CYP2C8: variants seen among roughly 807,000 people sequenced by gnomAD.
CYP2C8 encodes the protein cytochrome P450 family 2 subfamily C member 8.
CYP2C8 carries 51 observed loss-of-function variants against 41.3 expected under a neutral mutation model. That is an observed-to-expected ratio of 1.24 (90% CI 0.99 to 1.56). The LOEUF is 1.56. Ranked by LOEUF, CYP2C8 falls within the 40% of genes most tolerant of loss-of-function variation. The probability of loss-of-function intolerance (pLI) is 0.00; values close to 1 mark genes in which losing one functional copy is unlikely to be tolerated. For missense variants in CYP2C8, 651 were observed against 579.9 expected, an observed-to-expected ratio of 1.12 and a Z score of -1.26; for synonymous variants, 218 against 205.8, an observed-to-expected ratio of 1.06 and a Z score of -0.51.
rs1219680890 is a variant in CYP2C8, at chr10:95,042,825, G to T, written c.1149+65C>A. ...CTCATCTTGTGTTGTTAGAGGGTTG[G>T]AACCAAACCAGCACTATGGAAATTT... is the stretch of plus-strand genomic sequence containing the variant. On this transcript the variant is annotated intron_variant, in intron 7 of 8. Coordinates refer to ENST00000371270, the MANE Select transcript of CYP2C8 (RefSeq NM_000770.3). 4 of 1,400,510 alleles carry T rather than the reference G, an allele frequency of 2.9e-6. No homozygotes were observed. In the African/African-American group the frequency reaches 4.2e-5, roughly 15 times the overall value. 86.8% of individuals were successfully genotyped at this position (1,400,510 alleles called of 1,614,324 possible).
intron 5 of CYP2C8, among the ~76,000 whole-genome samples, chr10:95,053,855 C>T (rs1454914833): frequency 6.6e-6 from 1 of 152,050 alleles, no homozygotes; most frequent in Non-Finnish European, 1.5e-5. Context: ...ATGGGTGCAG[C>T]AAACCACCAT....
At chr10:95,041,554 G>C (rs2032995806) in intron 7 of CYP2C8, among the ~76,000 whole-genome samples, 1 of 151,896 alleles carries the variant, frequency 6.6e-6, no homozygotes, top group Admixed American at 6.6e-5. Context: ...GGCCGAGGCG[G>C]GTGGATCATG....
rs1342809282 is a variant in CYP2C8 at position 95,066,153 on chromosome 10, A to AGAGAGAGAGTGTGT, written c.481+1054_481+1055insACACACTCTCTCTC. Reference sequence around the variant, plus strand: ...GAGAGAGAGAGAGAGAGAGAGAGAGAGTGTGTGTGTGTGTGTGTGTGTGTG... The same window carrying AGAGAGAGAGTGTGT: ...GAGAGAGAGAGAGAGAGAGAGAGAGAGAGAGAGAGTGTGTGTGTGTGTGTGTGTGTGTGTGTGTG... On this transcript the variant is annotated intron_variant, in intron 3 of 8. Transcript: ENST00000371270. Among the ~76,000 whole-genome samples, 671 of 88,208 alleles carry AGAGAGAGAGTGTGT rather than the reference A, an allele frequency of 7.6e-3. 2 individuals carry two copies. Among genetic ancestry groups the AGAGAGAGAGTGTGT allele is most frequent in the Non-Finnish European group, 0.012 (530 of 43,618 alleles). The allele number at this position is 88,208 out of a possible 152,430, so 57.9% of individuals were successfully genotyped here. A position where few individuals can be genotyped will look rare whatever the true frequency, so the allele number is the denominator to read the frequency against.
intron 7 of CYP2C8, among the ~76,000 whole-genome samples, chr10:95,040,711 G>A (rs774685415): frequency 1.3e-5 from 2 of 152,166 alleles, no homozygotes; most frequent in Non-Finnish European, 2.9e-5. Flanking sequence ...GACAGGAGGT[G>A]TTGTCATTAT....
intron 3 of CYP2C8, among the ~76,000 whole-genome samples, 182 bp from the exon 4 acceptor site, chr10:95,065,142 C>A (rs1311382277): frequency 3.3e-5 from 5 of 152,136 alleles, no homozygotes; most frequent in Admixed American, 3.3e-4. Context: ...ATGAGTTGAG[C>A]ATTACAGGCT....
chr10:95,050,171 G>T (rs966498696), intron 5 of CYP2C8, among the ~76,000 whole-genome samples: 1 of 152,064 alleles, frequency 6.6e-6, no homozygotes, highest in African/African-American at 2.4e-5. Context: ...CTCAGGGGGT[G>T]AGATTCCACT....
rs139099902 is a variant in CYP2C8, at chr10:95,048,077, T to C, written c.820-2126A>G. 3.1e-3 allele frequency among the ~76,000 whole-genome samples: 468 copies of C among 152,216 alleles called. 4 individuals carry two copies. The highest frequency in any genetic ancestry group is 0.011 in the African/African-American group (452 of 41,554). On this transcript the variant is annotated intron_variant, in intron 5 of 8. Coordinates refer to ENST00000371270, the MANE Select transcript of CYP2C8 (RefSeq NM_000770.3). Reference sequence around the variant, plus strand: ...CCATGGATTACTAAGTCTCTCAGGGTTTCACCTCTGCCAGCTTCTTTTTAC... The same window carrying C: ...CCATGGATTACTAAGTCTCTCAGGGCTTCACCTCTGCCAGCTTCTTTTTAC...
intron 5 of CYP2C8, among the ~76,000 whole-genome samples, chr10:95,051,084 A>C (rs1439440608): frequency 6.6e-6 from 1 of 152,194 alleles, no homozygotes; most frequent in African/African-American, 2.4e-5. Flanking sequence ...GGAAACCTAA[A>C]GATATTCAAA....
Position 95,043,035 on chromosome 10 carries a change from C to CTGTGTCTGCCAA in CYP2C8, c.992_1003dup (p.Ile331_His334dup). 1 of 1,614,176 alleles carries CTGTGTCTGCCAA rather than the reference C, an allele frequency of 6.2e-7. No individual in the cohort carries two copies. Among genetic ancestry groups the CTGTGTCTGCCAA allele is most frequent in the Non-Finnish European group, 8.5e-7 (1 of 1,180,020 alleles). On this transcript the variant is annotated inframe_insertion, in exon 7 of 9. Coordinates refer to ENST00000371270, the MANE Select transcript of CYP2C8 (RefSeq NM_000770.3). The stretch of plus-strand genomic sequence containing the variant: ...GCTCCTATCCTGCATGCAGGGGCTC[C>CTGTGTCTGCCAA]TGTGTCTGCCAATTACATGATCAAT...
chr10:95,069,205 A>G (rs1247458616), intron 1 of CYP2C8, 30 bp downstream of exon 1: 1 of 1,613,392 alleles, frequency 6.2e-7, no homozygotes, highest in Non-Finnish European at 8.5e-7. Context: ...ACCCTTTGCA[A>G]TTGGCTGGAG....
At chr10:95,041,443 T>C (rs2032993612) in intron 7 of CYP2C8, among the ~76,000 whole-genome samples, 1 of 152,178 alleles carries the variant, frequency 6.6e-6, no homozygotes, top group Non-Finnish European at 1.5e-5. Flanking sequence ...TTCTCCAAAG[T>C]GTTTGTCTTT....
intron 4 of CYP2C8, among the ~76,000 whole-genome samples, chr10:95,059,653 T>C (rs183219149): frequency 1.3e-5 from 2 of 152,338 alleles, no homozygotes; most frequent in Admixed American, 6.5e-5. Context: ...TTTTATTAGG[T>C]CCCATTTGTC....
chr10:95,043,390 CAG>C (rs11572164), intron 6 of CYP2C8, among the ~76,000 whole-genome samples: 7,159 of 152,002 alleles, frequency 0.047, 247 homozygotes, highest in Middle Eastern at 0.16. Flanking sequence ...TGCTTGCAAA[CAG>C]AAAAACAATC....
intron 7 of CYP2C8, among the ~76,000 whole-genome samples, chr10:95,042,401 A>C (rs984128483): frequency 2.3e-5 from 2 of 86,608 alleles, no homozygotes; most frequent in Non-Finnish European, 4.8e-5. Flanking sequence ...ATTACAAAGA[A>C]ATAAAAAAAA....
chr10:95,061,851 A>G (rs370930194), intron 4 of CYP2C8, among the ~76,000 whole-genome samples: 5 of 152,098 alleles, frequency 3.3e-5, no homozygotes, highest in Non-Finnish European at 7.4e-5. Flanking sequence ...CTTTGTTCTC[A>G]TTGGTTTCAA....
intron 1 of CYP2C8, 42 bp downstream of exon 1, chr10:95,069,193 T>C (rs1353876818): frequency 6.2e-7 from 1 of 1,611,354 alleles, no homozygotes; most frequent in Non-Finnish European, 8.5e-7. Flanking sequence ...GTCAAATAAC[T>C]TACCCTTTGC....
chr10:95,044,669 G>A (rs996858492), intron 6 of CYP2C8, among the ~76,000 whole-genome samples: 36 of 151,886 alleles, frequency 2.4e-4, no homozygotes, highest in African/African-American at 8.5e-4. Flanking sequence ...AAGTGTCGCC[G>A]AGTACAGGGG....
intron 7 of CYP2C8, 71 bp downstream of exon 7, chr10:95,042,819 G>T (rs79270715): frequency 6.2e-6 from 8 of 1,281,934 alleles, no homozygotes; most frequent in South Asian, 1.2e-5. Flanking sequence ...TGTTGTTAGA[G>T]GGTTGGAACC....
At chr10:95,038,051 A>C (rs2032920905) in intron 8 of CYP2C8, among the ~76,000 whole-genome samples, 1 of 152,208 alleles carries the variant, frequency 6.6e-6, no homozygotes, top group Admixed American at 6.5e-5. Context: ...TGTCCTTGTC[A>C]TGTTGGTATC....
Sources: gnomAD v4.1 joint callset for allele counts (sites outside exome capture counted in the v4.1 genomes callset) on GRCh38, gnomAD v4.1.1 for gene constraint, MANE v1.5 for transcripts, NCBI Gene and HGNC (gene_info 2026-07-23, HGNC 2026-07-21) for gene names.